LRRTM4: variants seen among roughly 807,000 people sequenced by gnomAD.
The protein encoded by LRRTM4 is leucine-rich repeat transmembrane neuronal protein 4.
LRRTM4 carries 25 observed loss-of-function variants against 47.6 expected under a neutral mutation model. The ratio of observed to expected loss-of-function variants is 0.53; its 90% confidence interval spans 0.38 to 0.73. LRRTM4 has a LOEUF of 0.73. LRRTM4 is among the 30% of genes least tolerant of loss of function. LRRTM4 has a pLI of 0.00. For synonymous variants in LRRTM4, 311 were observed against 269.5 expected, an observed-to-expected ratio of 1.15 and a Z score of -1.51; for missense variants, 638 against 713.4, an observed-to-expected ratio of 0.89 and a Z score of 1.20.
intron 3 of LRRTM4, among the ~76,000 whole-genome samples, chr2:77,273,713 G>A (rs1036351823): frequency 1.3e-5 from 2 of 152,078 alleles, no homozygotes; most frequent in Admixed American, 1.3e-4. Flanking sequence ...AAAATCAGCA[G>A]TACAAATTTT....
Position 77,519,708 on chromosome 2 carries a change from T to C in LRRTM4, c.161A>G (p.Asp54Gly). Residue 54 changes from aspartate to glycine, a missense_variant, in exon 3 of 4, where the codon GAT becomes GGT. By Grantham distance (94) the Asp-to-Gly change is moderately conservative. Transcript: ENST00000409884. This position sits in a 1 kb window ranked among gnomAD's most constrained non-coding sequence, Gnocchi z 4.6. ...CCCTCCAGAAATGTTCTCAGGGATA[T>C]CTGCGAAAGCATGAGACTCACAGTA... is the stretch of plus-strand genomic sequence containing the variant. ...IVYCESHAFA[D>G]IPENISGGSQ... is the part of the protein sequence containing the mutation. The C allele has an allele frequency of 6.2e-7, 1 of 1,613,424 alleles. No individual in the cohort carries two copies. The highest frequency in any genetic ancestry group is 8.5e-7 in the Non-Finnish European group (1 of 1,179,586).
intron 3 of LRRTM4, among the ~76,000 whole-genome samples, chr2:77,218,761 G>C (rs1416406239): frequency 6.6e-6 from 1 of 152,112 alleles, no homozygotes; most frequent in Non-Finnish European, 1.5e-5. Context: ...AATATAGTAA[G>C]CTTTAATAAG....
intron 3 of LRRTM4, among the ~76,000 whole-genome samples, chr2:77,278,249 T>G (rs1283512674): frequency 1.3e-5 from 2 of 152,052 alleles, no homozygotes; most frequent in Non-Finnish European, 2.9e-5. Context: ...CCTTTCTATT[T>G]TTAACAGTTC....
At chr2:76,805,242 A>C (rs76705825) in intron 3 of LRRTM4, among the ~76,000 whole-genome samples, 4,157 of 152,214 alleles carry the variant, frequency 0.027, 184 homozygotes, top group African/African-American at 0.081. Flanking sequence ...TTGTGTACAA[A>C]CATCCCAATT....
chr2:77,331,017 T>G (rs1001911301), intron 3 of LRRTM4, among the ~76,000 whole-genome samples: 18 of 152,164 alleles, frequency 1.2e-4, no homozygotes, highest in Admixed American at 1.1e-3. Context: ...TATGTCTGTG[T>G]GAAGGTGACA....
chr2:77,161,073 G>A (rs1165775984), intron 3 of LRRTM4, among the ~76,000 whole-genome samples: 2 of 152,140 alleles, frequency 1.3e-5, no homozygotes, highest in African/African-American at 2.4e-5. Flanking sequence ...AGGGCGCCAG[G>A]CAGCTATGAC....
chr2:77,361,967 C>T (rs1672231400), intron 3 of LRRTM4, among the ~76,000 whole-genome samples: 1 of 151,866 alleles, frequency 6.6e-6, no homozygotes, highest in African/African-American at 2.4e-5. Context: ...TGCCTGTAGT[C>T]CCAACTATTC....
chr2:76,995,363 C>G (rs151118365), intron 3 of LRRTM4, among the ~76,000 whole-genome samples: 2 of 151,988 alleles, frequency 1.3e-5, no homozygotes, highest in African/African-American at 2.4e-5. Flanking sequence ...ATTGCTGTAA[C>G]TATATGTGGA....
In LRRTM4 at chr2:77,407,842, C is replaced by T. The variant is rs1031196691; in HGVS notation, c.1551+110476G>A. Among the ~76,000 whole-genome samples the T allele has an allele frequency of 5.3e-5, 8 of 150,528 alleles. 1 individual carries two copies. The highest frequency in any genetic ancestry group is 1.2e-4 in the Non-Finnish European group (8 of 67,798). On this transcript the variant is annotated intron_variant, in intron 3 of 3. Coordinates refer to ENST00000409884, the MANE Select transcript of LRRTM4 (RefSeq NM_001134745.3). ...GTCAATGTCTCCAACTGTCTGTTAA[C>T]AGTCTTGCTCAGGTCATGTTTGAAC...
chr2:77,001,353 T>G (rs891215715), intron 3 of LRRTM4, among the ~76,000 whole-genome samples: 4 of 152,140 alleles, frequency 2.6e-5, no homozygotes, highest in Non-Finnish European at 1.5e-5. Context: ...AAATGATGAA[T>G]ATATTACATG....
chr2:77,205,895 G>A (rs189919409), intron 3 of LRRTM4, among the ~76,000 whole-genome samples: 5 of 152,088 alleles, frequency 3.3e-5, no homozygotes, highest in African/African-American at 1.2e-4. Context: ...GAGTGCAGTG[G>A]CAGGAACTCG....
chr2:77,486,248 A>G (rs1035220844), intron 3 of LRRTM4, among the ~76,000 whole-genome samples: 2 of 152,234 alleles, frequency 1.3e-5, no homozygotes, highest in Non-Finnish European at 2.9e-5. Flanking sequence ...TTCTAATGGA[A>G]GCTAACAATA....
intron 3 of LRRTM4, among the ~76,000 whole-genome samples, chr2:77,203,141 G>T (rs1003580126): frequency 4.0e-5 from 6 of 151,708 alleles, no homozygotes; most frequent in Non-Finnish European, 7.4e-5. Context: ...GTATATATAT[G>T]CAGTCCCTAA....
chr2:77,365,273 T>C (rs1672397817), intron 3 of LRRTM4, among the ~76,000 whole-genome samples: 1 of 152,024 alleles, frequency 6.6e-6, no homozygotes, highest in Admixed American at 6.6e-5. Context: ...CATCACCTAG[T>C]TATGTTCCAT....
intron 3 of LRRTM4, among the ~76,000 whole-genome samples, chr2:77,262,542 C>G (rs1037113721): frequency 1.3e-5 from 2 of 151,270 alleles, no homozygotes; most frequent in African/African-American, 4.9e-5. Flanking sequence ...TCTAGAATAA[C>G]ATTTTTTTTT....
At chr2:77,070,762 C>A (rs754117159) in intron 3 of LRRTM4, among the ~76,000 whole-genome samples, 1 of 152,076 alleles carries the variant, frequency 6.6e-6, no homozygotes. Flanking sequence ...TCCTGAGTAG[C>A]TGGGACTACA....
At position 77,243,860 on chromosome 2, in the gene LRRTM4, G is replaced by A. The variant is rs374335726; in HGVS notation, c.1551+274458C>T. ...ATGTATACATGTGCCATGCTGCTGC[G>A]CTGCACCCACTAACTCGTCATCTAG... On this transcript the variant is annotated intron_variant, in intron 3 of 3. Coordinates refer to ENST00000409884, the MANE Select transcript of LRRTM4 (RefSeq NM_001134745.3). Among the ~76,000 whole-genome samples, 66 of 138,956 alleles carry A rather than the reference G, an allele frequency of 4.7e-4. 1 individual carries two copies. Among genetic ancestry groups the A allele is most frequent in the Middle Eastern group, 3.6e-3 (1 of 276 alleles). 91.2% of individuals were successfully genotyped at this position (138,956 alleles called of 152,430 possible).
chr2:76,909,332 C>T (rs1673965199), intron 3 of LRRTM4, among the ~76,000 whole-genome samples: 1 of 152,128 alleles, frequency 6.6e-6, no homozygotes, highest in African/African-American at 2.4e-5. Flanking sequence ...ACACCTTATA[C>T]AAAAATCAAT....
At chr2:77,502,283 A>T (rs1313988039) in intron 3 of LRRTM4, among the ~76,000 whole-genome samples, 3 of 151,488 alleles carry the variant, frequency 2.0e-5, no homozygotes, top group African/African-American at 7.2e-5. Flanking sequence ...TAAAAGTTAT[A>T]TAAATTTTTT....
Sources: gnomAD v4.1 joint callset for allele counts (sites outside exome capture counted in the v4.1 genomes callset) on GRCh38, gnomAD v4.1.1 for gene constraint, Gnocchi (gnomAD v3.1) non-coding constraint, MANE v1.5 for transcripts, NCBI Gene and HGNC (gene_info 2026-07-23, HGNC 2026-07-21) for gene names.